Variants in IPO5 observed in about 807,000 individuals in gnomAD.
IPO5 encodes the protein importin 5, also known as importin-5.
In IPO5, 18 loss-of-function variants were observed where a neutral mutation model predicts 143.3. The observed-to-expected ratio is 0.13, with a 90% CI of 0.09 to 0.19. The LOEUF (loss-of-function observed/expected upper bound fraction) is 0.19. IPO5 is among the 10% of genes least tolerant of loss of function. The pLI is 1.00. For missense variants in IPO5, 1,013 were observed against 1,336.9 expected (o/e 0.76, Z 3.78); for synonymous variants, 477 against 465.7 (o/e 1.02, Z -0.31).
At chr13:98,015,486 C>A in intron 22 of IPO5, 44 bp from the exon 23 acceptor site, 1 of 1,146,018 alleles carries the variant, frequency 8.7e-7, no homozygotes, top group Non-Finnish European at 1.3e-6. Flanking sequence ...GGACTCCAAA[C>A]ACCCCAAATC....
intron 20 of IPO5, among the ~76,000 whole-genome samples, chr13:98,010,598 A>G (rs767431686): frequency 6.6e-6 from 1 of 152,124 alleles, no homozygotes; most frequent in East Asian, 1.9e-4. Flanking sequence ...AAGTGTGTTC[A>G]TGCTATTTAA....
chr13:97,995,331 T>G (rs1473650796), intron 11 of IPO5, among the ~76,000 whole-genome samples: 1 of 151,842 alleles, frequency 6.6e-6, no homozygotes, highest in Non-Finnish European at 1.5e-5. Context: ...CTCCCACCCT[T>G]TCCCCTGAGT....
At chr13:97,998,196 C>T (rs1050465192) in intron 12 of IPO5, among the ~76,000 whole-genome samples, 3 of 152,180 alleles carry the variant, frequency 2.0e-5, no homozygotes, top group Non-Finnish European at 4.4e-5. Flanking sequence ...AGGATAGTCT[C>T]GATCTCCTGA....
chr13:97,970,047 G>A, intron 3 of IPO5: 2 of 464,882 alleles, frequency 4.3e-6, no homozygotes, highest in Non-Finnish European at 7.5e-6. Context: ...GGACACCTAT[G>A]TGTAGCTAGT....
chr13:97,970,462 T>TG (rs1555303486), intron 3 of IPO5, among the ~76,000 whole-genome samples: 3 of 150,504 alleles, frequency 2.0e-5, no homozygotes, highest in Non-Finnish European at 3.0e-5. Flanking sequence ...CTACTAAAAA[T>TG]AAAAAAAAAT....
In IPO5 at chr13:98,014,145, T is replaced by G; in HGVS notation, c.2256T>G (p.Ala752=). Reference sequence around the variant, plus strand: ...AGATGTGGCATTTTATGTGTGATGCTCTAATTAAGGCCATTGGTACAGAAC... The same window carrying G: ...AGATGTGGCATTTTATGTGTGATGCGCTAATTAAGGCCATTGGTACAGAAC... ...LTQMWHFMCD[A]LIKAIGTEPD... The change falls in exon 22 of 29, where the codon GCT becomes GCG. Residue 752 remains alanine (A), a synonymous_variant. Coordinates refer to ENST00000651721, the MANE Select transcript of IPO5 (RefSeq NM_002271.6). 1 of 1,613,658 alleles carries G rather than the reference T, an allele frequency of 6.2e-7. No homozygotes were observed. Among genetic ancestry groups the G allele is most frequent in the East Asian group, 2.2e-5 (1 of 44,884 alleles).
chr13:97,970,405 G>A (rs1391127026), intron 3 of IPO5, among the ~76,000 whole-genome samples: 1 of 152,044 alleles, frequency 6.6e-6, no homozygotes, highest in Admixed American at 6.6e-5. Flanking sequence ...TGGATCACGA[G>A]GTCAGGAGTT....
At chr13:98,012,805 T>C (rs1889819633) in intron 21 of IPO5, among the ~76,000 whole-genome samples, 1 of 113,056 alleles carries the variant, frequency 8.8e-6, no homozygotes, top group South Asian at 2.8e-4. Flanking sequence ...GATTTGATTT[T>C]TTTTTTTTTT....
At chr13:97,995,428 C>A (rs1378626585) in intron 11 of IPO5, among the ~76,000 whole-genome samples, 2 of 151,626 alleles carry the variant, frequency 1.3e-5, no homozygotes, top group Non-Finnish European at 2.9e-5. Context: ...CTGGTTATTT[C>A]TATGGGGAAA....
chr13:97,981,611 A>G (rs1367661226), intron 4 of IPO5, among the ~76,000 whole-genome samples: 1 of 152,194 alleles, frequency 6.6e-6, no homozygotes, highest in African/African-American at 2.4e-5. Context: ...CCCACATTAG[A>G]CTCAACTCTA....
intron 2 of IPO5, among the ~76,000 whole-genome samples, chr13:97,962,120 C>CT (rs1469166853): frequency 1.3e-5 from 2 of 152,082 alleles, no homozygotes; most frequent in Admixed American, 1.3e-4. Flanking sequence ...CAGAGTGAGA[C>CT]TTTGTCTCAA....
At chr13:97,989,213 C>T (rs1479038510) in intron 7 of IPO5, 49 bp downstream of exon 7, 26 of 986,194 alleles carry the variant, frequency 2.6e-5, no homozygotes, top group Non-Finnish European at 3.5e-5. Context: ...AATGAATGCC[C>T]TAAACACCTT....
At chr13:98,000,699 T>C in intron 13 of IPO5, 54 bp downstream of exon 13, 2 of 1,193,110 alleles carry the variant, frequency 1.7e-6, no homozygotes, top group Non-Finnish European at 2.5e-6. Flanking sequence ...TTTCTAAAGC[T>C]TAAATTCTAA....
chr13:97,969,746 A>C lies in IPO5; in HGVS notation c.-89A>C, dbSNP rs146431621. 1,451 of 1,575,900 alleles carry C rather than the reference A, an allele frequency of 9.2e-4. 51 individuals carry two copies. In the East Asian group the frequency reaches 0.031, roughly 34 times the overall value. ...AGCAGAGGAAAGAAATTCCTAAGGG[A>C]ACACTGCTCAGAAAGTACTGCAGCA... On this transcript the variant is annotated 5_prime_UTR_variant, in exon 3 of 29. Coordinates refer to ENST00000651721, the MANE Select transcript of IPO5 (RefSeq NM_002271.6).
chr13:98,011,770 G>T (rs754042064), intron 20 of IPO5, among the ~76,000 whole-genome samples: 4 of 152,184 alleles, frequency 2.6e-5, no homozygotes, highest in African/African-American at 4.8e-5. Context: ...CTCCCAAAGT[G>T]CTGGGATTAC....
Position 98,016,869 on chromosome 13 carries a change from T to C in IPO5, c.2616+18T>C. On this transcript the variant is annotated intron_variant, in intron 25 of 28. Coordinates refer to ENST00000651721, the MANE Select transcript of IPO5 (RefSeq NM_002271.6). ...ACCTCATTGTAAGTGTTACCTCTCT[T>C]AATAGTTGTTTTGCGTAGTTTACCT... is the stretch of plus-strand genomic sequence containing the variant. 2 of 1,502,808 alleles carry C rather than the reference T, an allele frequency of 1.3e-6. No homozygotes were observed. 93.1% of individuals were successfully genotyped at this position (1,502,808 alleles called of 1,614,324 possible).
intron 2 of IPO5, among the ~76,000 whole-genome samples, chr13:97,960,750 C>A: frequency 6.6e-6 from 1 of 151,914 alleles, no homozygotes; most frequent in East Asian, 1.9e-4. Flanking sequence ...GTAGAGACAG[C>A]GTTTCACCAT....
At chr13:97,968,544 T>G (rs1008351913) in intron 2 of IPO5, among the ~76,000 whole-genome samples, 8 of 152,262 alleles carry the variant, frequency 5.3e-5, no homozygotes, top group African/African-American at 1.9e-4. Context: ...GCTTTATGTA[T>G]TTTGGTGCTG....
chr13:97,989,666 A>G (rs547425710), intron 7 of IPO5, among the ~76,000 whole-genome samples: 2 of 152,338 alleles, frequency 1.3e-5, no homozygotes, highest in South Asian at 2.1e-4. Flanking sequence ...TTTTTTTACT[A>G]CACCTAAAAT....
Sources: gnomAD v4.1 joint callset for allele counts (sites outside exome capture counted in the v4.1 genomes callset) on GRCh38, gnomAD v4.1.1 for gene constraint, MANE v1.5 for transcripts, NCBI Gene and HGNC (gene_info 2026-07-23, HGNC 2026-07-21) for gene names.